Variants in KCNN2 observed in about 807,000 individuals in gnomAD.
KCNN2 encodes small conductance calcium-activated potassium channel protein 2.
KCNN2 carries 24 observed loss-of-function variants against 55.5 expected under a neutral mutation model. The ratio of observed to expected loss-of-function variants is 0.43; its 90% CI spans 0.31 to 0.61. The LOEUF is 0.61. Among genes scored for constraint, KCNN2 ranks in the 20% least tolerant of loss-of-function variants. The pLI, the probability that KCNN2 is intolerant of heterozygous loss-of-function variation, is 0.08. For synonymous variants in KCNN2, 431 were observed against 336.1 expected (o/e 1.28, Z -3.09); for missense variants, 754 against 853.6 (o/e 0.88, Z 1.45).
At chr5:114,247,183 G>A (rs1386417704) in intron 2 of KCNN2, among the ~76,000 whole-genome samples, 3 of 119,436 alleles carry the variant, frequency 2.5e-5, no homozygotes, top group Non-Finnish European at 3.3e-5. Context: ...AATTAGCCAG[G>A]CATGGTACCA....
intron 1 of KCNN2, among the ~76,000 whole-genome samples, chr5:114,131,037 A>G (rs956030245): frequency 1.3e-5 from 2 of 152,248 alleles, no homozygotes; most frequent in African/African-American, 4.8e-5. Context: ...GAAAACCTTT[A>G]TGGTTATCCT....
Position 114,272,466 on chromosome 5 carries a change from T to TAC in KCNN2, c.-185+50907_-185+50908dup, listed in dbSNP as rs1356524524. Among the ~76,000 whole-genome samples the TAC allele has an allele frequency of 5.4e-5, 8 of 149,118 alleles. 1 individual carries two copies. The highest frequency in any genetic ancestry group is 1.8e-4 in the African/African-American group (7 of 39,822). On this transcript the variant is annotated intron_variant, in intron 2 of 10. Coordinates refer to the KCNN2 transcript ENST00000512097. ...TACACACATATGTATGTACATATCA[T>TAC]ACACACATATGTATGTACATATCAT...
chr5:114,423,525 A>AG (rs1759530829), intron 3 of KCNN2, among the ~76,000 whole-genome samples: 2 of 152,136 alleles, frequency 1.3e-5, no homozygotes, highest in East Asian at 1.9e-4. Flanking sequence ...TTATTAGGAG[A>AG]GGAAAAAAAA....
chr5:114,149,631 C>T (rs1237637093), intron 1 of KCNN2, among the ~76,000 whole-genome samples: 1 of 151,974 alleles, frequency 6.6e-6, no homozygotes, highest in African/African-American at 2.4e-5. Flanking sequence ...TTTAACATAA[C>T]ATCTGTATGC....
intron 2 of KCNN2, among the ~76,000 whole-genome samples, chr5:114,282,847 A>G (rs911948993): frequency 6.6e-6 from 1 of 152,170 alleles, no homozygotes; most frequent in Admixed American, 6.6e-5. Flanking sequence ...GCATTCAATT[A>G]ATGAATTCAA....
At chr5:114,131,571 G>A (rs1043077960) in intron 1 of KCNN2, among the ~76,000 whole-genome samples, 1 of 152,146 alleles carries the variant, frequency 6.6e-6, no homozygotes, top group Non-Finnish European at 1.5e-5. Flanking sequence ...TTGCTATTGT[G>A]AATAGTGCTG....
intron 2 of KCNN2, among the ~76,000 whole-genome samples, chr5:114,337,724 T>C (rs1756945849): frequency 6.6e-6 from 1 of 152,190 alleles, no homozygotes; most frequent in Non-Finnish European, 1.5e-5. Flanking sequence ...ATTCCCACTC[T>C]TGGCTCATAT....
intron 5 of KCNN2, among the ~76,000 whole-genome samples, chr5:114,484,113 G>A (rs1580915235): frequency 6.6e-6 from 1 of 152,138 alleles, no homozygotes; most frequent in East Asian, 1.9e-4. Context: ...AATTATATGT[G>A]CTGTGGTGCC....
At chr5:114,328,223 C>G (rs1756747289) in intron 2 of KCNN2, among the ~76,000 whole-genome samples, 1 of 152,092 alleles carries the variant, frequency 6.6e-6, no homozygotes. Context: ...ATTTATAACT[C>G]CAGGTGTGCT....
intron 2 of KCNN2, among the ~76,000 whole-genome samples, chr5:114,394,343 C>T (rs1580785456): frequency 6.6e-6 from 1 of 152,244 alleles, no homozygotes; most frequent in East Asian, 1.9e-4. Flanking sequence ...CTGCTTGTCT[C>T]TTTCTTAATG....
chr5:114,235,352 A>T (rs1561534200), intron 2 of KCNN2, among the ~76,000 whole-genome samples: 1 of 152,226 alleles, frequency 6.6e-6, no homozygotes, highest in South Asian at 2.1e-4. Flanking sequence ...TGGTTTAAAA[A>T]TTCCCTAATT....
chr5:114,112,914 T>C (rs1215863302), intron 1 of KCNN2, among the ~76,000 whole-genome samples: 1 of 152,018 alleles, frequency 6.6e-6, no homozygotes, highest in Non-Finnish European at 1.5e-5. Context: ...TTCCTCTTTT[T>C]GGGTAATTTT....
chr5:114,270,917 A>C (rs1359045347), intron 2 of KCNN2, among the ~76,000 whole-genome samples: 1 of 152,140 alleles, frequency 6.6e-6, no homozygotes, highest in African/African-American at 2.4e-5. Context: ...TTCAGGAGTG[A>C]AGCTGCAGAC....
chr5:114,074,461 G>A (rs556560827), intron 1 of KCNN2, among the ~76,000 whole-genome samples: 8 of 152,308 alleles, frequency 5.3e-5, no homozygotes, highest in East Asian at 1.9e-4. Context: ...TGCAGGCAAA[G>A]TAGAGGAAAA....
chr5:114,084,857 G>A lies in KCNN2; in HGVS notation c.-271+28357G>A, dbSNP rs567313815. 1.3e-4 allele frequency among the ~76,000 whole-genome samples: 20 copies of A among 151,992 alleles called. No homozygotes were observed. In the South Asian group the frequency reaches 2.5e-3, roughly 19 times the overall value. ...AATTTTTATGAAAGGTACAAAACCT[G>A]TGTCTAGATTTGCTTTTTTGCATGT... On this transcript the variant is annotated intron_variant, in intron 1 of 10. Transcript: ENST00000512097.
intron 2 of KCNN2, among the ~76,000 whole-genome samples, chr5:114,289,652 C>T (rs565889191): frequency 6.6e-5 from 10 of 152,204 alleles, no homozygotes; most frequent in African/African-American, 2.4e-4. Flanking sequence ...GCTGGGATTG[C>T]AGGAGTAAGC....
intron 1 of KCNN2, among the ~76,000 whole-genome samples, chr5:114,199,126 T>C (rs1753618048): frequency 6.6e-6 from 1 of 152,156 alleles, no homozygotes. Context: ...TGCATATATA[T>C]ATAGGATTGT....
chr5:114,461,715 T>C (rs548252912), intron 3 of KCNN2, among the ~76,000 whole-genome samples: 1 of 149,888 alleles, frequency 6.7e-6, no homozygotes, highest in African/African-American at 2.5e-5. Flanking sequence ...AAGCTTGGCA[T>C]GGGATGAGGG....
chr5:114,161,967 G>A (rs1410679243), intron 1 of KCNN2, among the ~76,000 whole-genome samples: 1 of 152,154 alleles, frequency 6.6e-6, no homozygotes, highest in Non-Finnish European at 1.5e-5. Context: ...TTAGCTTGGA[G>A]TAGTTTGATC....
Sources: gnomAD v4.1 joint callset for allele counts (sites outside exome capture counted in the v4.1 genomes callset) on GRCh38, gnomAD v4.1.1 for gene constraint, MANE v1.5 for transcripts, NCBI Gene and HGNC (gene_info 2026-07-23, HGNC 2026-07-21) for gene names.